Variants in TECTA observed in about 807,000 individuals in gnomAD.
TECTA encodes the protein alpha-tectorin.
A neutral mutation model predicts 216.8 loss-of-function variants in TECTA; 128 were observed. The ratio of observed to expected loss-of-function variants is 0.59; its 90% CI spans 0.51 to 0.68. The LOEUF is 0.68. Among genes scored for constraint, TECTA ranks in the 30% least tolerant of loss-of-function variants. The probability of loss-of-function intolerance (pLI) is 0.00; values close to 1 mark genes in which losing one functional copy is unlikely to be tolerated. For missense variants in TECTA, 2,551 were observed against 2,786.2 expected (o/e 0.92, Z 1.90); for synonymous variants, 1,089 against 1,117.1 (o/e 0.97, Z 0.50).
rs149460165 is a variant in TECTA, at chr11:121,111,328, C to T, written c.487-1744C>T. ...AATAGGATTCAAATCTCCTAGGAGA[C>T]AGAGCAGGGTTCAAACCAAAGTCTT... On this transcript the variant is annotated intron_variant, in intron 4 of 23. Transcript: ENST00000392793. 5.0e-3 allele frequency among the ~76,000 whole-genome samples: 767 copies of T among 152,336 alleles called. 7 individuals carry two copies. The highest frequency in any genetic ancestry group is 0.017 in the African/African-American group (716 of 41,564).
At chr11:121,178,027 C>T (rs1023787215) in intron 20 of TECTA, among the ~76,000 whole-genome samples, 3 of 152,204 alleles carry the variant, frequency 2.0e-5, no homozygotes, top group Admixed American at 6.5e-5. Flanking sequence ...TTAAGCCCGT[C>T]GGAAAAGCGC....
At chr11:121,151,348 C>G (rs1490602373) in intron 12 of TECTA, among the ~76,000 whole-genome samples, 1 of 152,154 alleles carries the variant, frequency 6.6e-6, no homozygotes, top group Non-Finnish European at 1.5e-5. Context: ...GGTATACATA[C>G]AGGGATGTTC....
At chr11:121,110,468 CATT>C (rs1218079395) in intron 4 of TECTA, 1 of 152,206 alleles carries the variant, frequency 6.6e-6, no homozygotes, top group African/African-American at 2.4e-5. Flanking sequence ...ACCACGAACA[CATT>C]ATGTTTTAGC....
In TECTA at chr11:121,105,628, T is replaced by A. The variant is rs185956117; in HGVS notation, c.65-203T>A. On this transcript the variant is annotated intron_variant, in intron 2 of 23. Transcript: ENST00000392793. This position sits in a 1 kb window ranked among gnomAD's most constrained non-coding sequence, Gnocchi z 5.3. ...AGTGCTTTCTCCTATGGAGAAACAA[T>A]GTCACTCCCATTTTCCCGTTTCCCA... Among the ~76,000 whole-genome samples, 1 of 152,356 alleles carries A rather than the reference T, an allele frequency of 6.6e-6. No individual in the cohort carries two copies. The highest frequency in any genetic ancestry group is 2.4e-5 in the African/African-American group (1 of 41,584).
intron 20 of TECTA, among the ~76,000 whole-genome samples, chr11:121,185,573 GAGT>G (rs1321265048): frequency 8.4e-6 from 1 of 119,662 alleles, no homozygotes; most frequent in Admixed American, 7.7e-5. Context: ...CTTAATGAAT[GAGT>G]AGGGAAAGCA....
In TECTA at chr11:121,117,850, C is replaced by G. The variant is rs3824958; in HGVS notation, c.791-456C>G. ...GACCTTTTCCTGCACATACTGGGCC[C>G]CCAACAAATGTCTGTTGAATGAATG... On this transcript the variant is annotated intron_variant, in intron 6 of 23. Transcript: ENST00000392793. Among the ~76,000 whole-genome samples the G allele has an allele frequency of 7.0e-4, 107 of 152,270 alleles. No homozygotes were observed. In the East Asian group the frequency reaches 0.019, roughly 27 times the overall value.
intron 21 of TECTA, among the ~76,000 whole-genome samples, chr11:121,188,385 G>A (rs1391546030): frequency 2.0e-5 from 3 of 152,212 alleles, no homozygotes; most frequent in Non-Finnish European, 1.5e-5. Flanking sequence ...GATGTTGCCA[G>A]TTGGCCTGGT....
intron 10 of TECTA, among the ~76,000 whole-genome samples, chr11:121,131,075 G>A (rs780313109): frequency 2.0e-5 from 3 of 152,048 alleles, no homozygotes; most frequent in African/African-American, 7.3e-5. Context: ...TTAGCCGGGC[G>A]TGGTGGCGGG....
chr11:121,138,679 A>G (rs1476970440), intron 11 of TECTA, among the ~76,000 whole-genome samples: 1 of 152,122 alleles, frequency 6.6e-6, no homozygotes, highest in Non-Finnish European at 1.5e-5. Flanking sequence ...GGCCATGAAG[A>G]CAGGAGCAGC....
chr11:121,175,065 A>G (rs1055976629), intron 20 of TECTA, among the ~76,000 whole-genome samples: 1 of 151,916 alleles, frequency 6.6e-6, no homozygotes, highest in Non-Finnish European at 1.5e-5. Context: ...TATTGCGTCT[A>G]TTTGATTCTT....
intron 4 of TECTA, chr11:121,110,591 C>T (rs908666025): frequency 6.6e-6 from 1 of 152,184 alleles, no homozygotes; most frequent in Non-Finnish European, 1.5e-5. Flanking sequence ...TCTAAAGAAG[C>T]ACACATTTCC....
chr11:121,107,334 C>T (rs1484550627), intron 3 of TECTA, among the ~76,000 whole-genome samples: 1 of 152,192 alleles, frequency 6.6e-6, no homozygotes, highest in East Asian at 1.9e-4. Flanking sequence ...TAGCTTGAGG[C>T]AGATTTATTT....
At chr11:121,188,110 G>T (rs1355838488) in intron 21 of TECTA, 116 bp downstream of exon 21, 3 of 1,101,962 alleles carry the variant, frequency 2.7e-6, no homozygotes, top group Middle Eastern at 2.8e-4. Context: ...GATGCTTGGG[G>T]TGGACAGTCA....
chr11:121,143,899 C>G (rs1591452172), intron 11 of TECTA, among the ~76,000 whole-genome samples: 1 of 152,218 alleles, frequency 6.6e-6, no homozygotes, highest in South Asian at 2.1e-4. Flanking sequence ...AGCCCTGGCA[C>G]TTGACTCCCA....
chr11:121,174,571 T>A (rs1947145979), intron 20 of TECTA, among the ~76,000 whole-genome samples: 1 of 152,206 alleles, frequency 6.6e-6, no homozygotes, highest in Non-Finnish European at 1.5e-5. Context: ...AGCTTTTTGA[T>A]GTGCTGCTGG....
rs1302036088 is a variant in TECTA at position 121,113,089 on chromosome 11, C to T, written c.504C>T (p.Ala168=). Residue 168 remains alanine (A), a synonymous_variant, in exon 5 of 24, where the codon GCC becomes GCT. Coordinates refer to ENST00000392793, the MANE Select transcript of TECTA (RefSeq NM_005422.4). The surrounding 1 kb of genome is among the most constrained non-coding windows in gnomAD (Gnocchi z 4.2). The part of the protein sequence containing the change: ...SSTTPVNTFQ[A]VLVSDGSYTF... The stretch of plus-strand genomic sequence containing the variant: ...TCCTGTAGGTGAACACCTTCCAGGC[C>T]GTCCTAGTGTCCGATGGCTCCTATA... 5.6e-6 allele frequency: 9 copies of T among 1,614,130 alleles called. No homozygotes were observed. The highest frequency in any genetic ancestry group is 1.3e-5 in the African/African-American group (1 of 75,042).
At chr11:121,188,947 T>C in intron 21 of TECTA, 133 bp from the exon 22 acceptor site, 3 of 830,510 alleles carry the variant, frequency 3.6e-6, no homozygotes, top group South Asian at 2.9e-5. Context: ...CAAGAATGCA[T>C]TGGTTCTAAT....
At chr11:121,149,656 G>C (rs582193) in intron 12 of TECTA, among the ~76,000 whole-genome samples, 5,533 of 152,256 alleles carry the variant, frequency 0.036, 341 homozygotes, top group African/African-American at 0.12. Flanking sequence ...AATCCAGGTT[G>C]GTCTGATTCC....
At chr11:121,142,571 A>G (rs1401954058) in intron 11 of TECTA, among the ~76,000 whole-genome samples, 6 of 152,166 alleles carry the variant, frequency 3.9e-5, no homozygotes, top group Non-Finnish European at 5.9e-5. Context: ...CCTGAGTGAC[A>G]TCAGGTAGCC....
Sources: gnomAD v4.1 joint callset for allele counts (sites outside exome capture counted in the v4.1 genomes callset) on GRCh38, gnomAD v4.1.1 for gene constraint, Gnocchi (gnomAD v3.1) non-coding constraint, MANE v1.5 for transcripts, NCBI Gene and HGNC (gene_info 2026-07-23, HGNC 2026-07-21) for gene names.